USP47: variants seen among roughly 807,000 people sequenced by gnomAD.
The protein encoded by USP47 is ubiquitin carboxyl-terminal hydrolase 47.
In USP47, 35 loss-of-function variants were observed where a neutral mutation model predicts 165.1. That is an observed-to-expected ratio of 0.21 (90% CI 0.16 to 0.28). USP47 has a LOEUF of 0.28. Ranked by LOEUF, USP47 falls within the 10% of genes least tolerant of loss-of-function variation. USP47 has a pLI of 1.00. For missense variants in USP47, 1,277 were observed against 1,607.4 expected (o/e 0.79, Z 3.52); for synonymous variants, 531 against 544.5 (o/e 0.98, Z 0.35).
rs1381663709 is a variant in USP47 at position 11,902,863 on chromosome 11, A to G, written c.739+3A>G. On this transcript the variant is annotated splice_donor_region_variant and intron_variant, in intron 6 of 27. Coordinates refer to ENST00000527733, the MANE Select transcript of USP47 (RefSeq NM_001282659.2). The stretch of plus-strand genomic sequence containing the variant: ...CTTTGGATGGGATAGTAGTGAGGGT[A>G]CTAATTCTCTTGTAATGATAAGCGT... The G allele has an allele frequency of 1.9e-6, 3 of 1,558,518 alleles. No homozygotes were observed. The highest frequency in any genetic ancestry group is 1.4e-5 in the African/African-American group (1 of 72,502).
intron 24 of USP47, chr11:11,952,258 GAA>G: frequency 6.6e-6 from 1 of 152,418 alleles, no homozygotes; most frequent in African/African-American, 2.4e-5. Flanking sequence ...GTTGATGCTT[GAA>G]AAGTGACAAT....
At chr11:11,886,413 C>A (rs1360345987) in intron 3 of USP47, among the ~76,000 whole-genome samples, 2 of 152,126 alleles carry the variant, frequency 1.3e-5, no homozygotes, top group African/African-American at 4.8e-5. Context: ...CCTGATAGAG[C>A]TGAAAAATAC....
intron 6 of USP47, 128 bp from the exon 7 acceptor site, chr11:11,903,135 T>A: frequency 1.1e-6 from 1 of 909,142 alleles, no homozygotes; most frequent in South Asian, 2.2e-5. Context: ...TATATTCTTA[T>A]GTTCTTTTTT....
At chr11:11,886,899 C>T (rs1269332547) in intron 3 of USP47, among the ~76,000 whole-genome samples, 1 of 152,144 alleles carries the variant, frequency 6.6e-6, no homozygotes, top group Middle Eastern at 3.2e-3. Flanking sequence ...GGAAACCCTA[C>T]AAGCCAGAAG....
chr11:11,879,579 C>T (rs1199527034), intron 1 of USP47, among the ~76,000 whole-genome samples: 1 of 152,094 alleles, frequency 6.6e-6, no homozygotes. Context: ...CTTCCCCCTC[C>T]TCCTGGCTCA....
intron 11 of USP47, among the ~76,000 whole-genome samples, chr11:11,929,051 G>T (rs1339679943): frequency 6.6e-6 from 1 of 151,860 alleles, no homozygotes; most frequent in South Asian, 2.1e-4. Context: ...AATAGAATTT[G>T]AATAAGAAAC....
chr11:11,952,733 A>G lies in USP47; in HGVS notation c.3584-8A>G. 1 of 1,586,384 alleles carries G rather than the reference A, an allele frequency of 6.3e-7. No individual in the cohort carries two copies. On this transcript the variant is annotated splice_region_variant and splice_polypyrimidine_tract_variant and intron_variant, in intron 24 of 27. Transcript: ENST00000527733. The stretch of plus-strand genomic sequence containing the variant: ...ATAGAATGATGACCTAATCTTGCAT[A>G]TTCTTAGGGGTAGAGAAGATGAAGT...
rs571949588 is a variant in USP47, at chr11:11,948,076, G to A, written c.3223G>A (p.Val1075Ile). Residue 1075 changes from valine to isoleucine, a missense_variant, in exon 21 of 28, where the codon GTC (valine) becomes ATC (isoleucine). By Grantham distance (29) the Val-to-Ile change is conservative (BLOSUM62 3). Coordinates refer to ENST00000527733, the MANE Select transcript of USP47 (RefSeq NM_001282659.2). ...VYASNQEFES[V>I]RLNETLSSFS... ...TGCCAGCAATCAAGAGTTTGAGAGC[G>A]TCCGGCTGAATGAGACACTTTCATC... 50 of 1,612,956 alleles carry A rather than the reference G, an allele frequency of 3.1e-5. No homozygotes were observed. In the East Asian group the frequency reaches 3.3e-4, roughly 11 times the overall value.
rs759703852 is a variant in USP47, at chr11:11,949,915, G to T, written c.3375G>T (p.Val1125=). 2.4e-5 allele frequency: 39 copies of T among 1,612,282 alleles called. No homozygotes were observed. The highest frequency in any genetic ancestry group is 7.6e-6 in the Non-Finnish European group (9 of 1,179,118). The change falls in exon 23 of 28, where the codon GTG becomes GTT. Residue 1125 remains valine (V), a synonymous_variant. Coordinates refer to ENST00000527733, the MANE Select transcript of USP47 (RefSeq NM_001282659.2). ...CATGCAAGTTTCTGCTAGATGCTGT[G>T]TTTGCTAAAGGAATGACTGTACGGC... ...QEPCKFLLDA[V]FAKGMTVRQS... is the part of the protein sequence containing the mutation.
intron 19 of USP47, among the ~76,000 whole-genome samples, chr11:11,941,102 A>G (rs1415647456): frequency 6.6e-6 from 1 of 151,782 alleles, no homozygotes; most frequent in Non-Finnish European, 1.5e-5. Context: ...ATCATTTATC[A>G]TTTTTCATAT....
rs902594958 is a variant in USP47 at position 11,877,789 on chromosome 11, TTC to T, written c.40-2372_40-2371del. Among the ~76,000 whole-genome samples, 383 of 121,260 alleles carry T rather than the reference TTC, an allele frequency of 3.2e-3. 4 individuals carry two copies. Among genetic ancestry groups the T allele is most frequent in the African/African-American group, 9.7e-3 (308 of 31,820 alleles). 79.6% of individuals were successfully genotyped at this position (121,260 alleles called of 152,430 possible). The stretch of plus-strand genomic sequence containing the variant: ...CCTTTCTCTCTCTCTCTCTCTCTCT[TTC>T]TCTCTCTCTCTCTCTGTGTGTGTGT... On this transcript the variant is annotated intron_variant, in intron 1 of 27. Coordinates refer to ENST00000527733, the MANE Select transcript of USP47 (RefSeq NM_001282659.2).
rs1190864619 is a variant in USP47, at chr11:11,958,928, T to C, written c.*2753T>C. The C allele has an allele frequency of 6.6e-6, 1 of 152,244 alleles. No homozygotes were observed. The highest frequency in any genetic ancestry group is 2.4e-5 in the African/African-American group (1 of 41,458). The allele number at this position is 152,244 out of a possible 1,614,324, so 9.4% of individuals were successfully genotyped here. A position where few individuals can be genotyped will look rare whatever the true frequency, so the allele number is the denominator to read the frequency against. ...ATTCTGGGAAGATGCGATGAACTCATGTCCCAGTCAGAAAATAATCCAATG... is the reference window on the plus strand; with the variant it reads ...ATTCTGGGAAGATGCGATGAACTCACGTCCCAGTCAGAAAATAATCCAATG... On this transcript the variant is annotated 3_prime_UTR_variant, in exon 28 of 28. Transcript: ENST00000527733.
At chr11:11,901,483 T>C (rs1215695832) in intron 5 of USP47, among the ~76,000 whole-genome samples, 4 of 152,176 alleles carry the variant, frequency 2.6e-5, no homozygotes, top group Non-Finnish European at 2.9e-5. Context: ...TTTCTTTCCA[T>C]GAGATCTTAA....
intron 1 of USP47, among the ~76,000 whole-genome samples, chr11:11,865,076 T>C (rs1196387153): frequency 1.3e-5 from 2 of 152,124 alleles, no homozygotes; most frequent in African/African-American, 4.8e-5. Context: ...CTTGCAAAAA[T>C]CTTTCTCTTT....
Position 11,878,624 on chromosome 11 carries a change from A to G in USP47, c.40-1553A>G, listed in dbSNP as rs529906590. 2.6e-5 allele frequency: 4 copies of G among 152,096 alleles called. No individual in the cohort carries two copies. The East Asian group carries it at 7.7e-4, about 29-fold the overall frequency. 9.4% of individuals were successfully genotyped at this position (152,096 alleles called of 1,614,324 possible). A position where few individuals can be genotyped will look rare whatever the true frequency, so the allele number is the denominator to read the frequency against. On this transcript the variant is annotated intron_variant, in intron 1 of 27. Transcript: ENST00000527733. ...TTCTTTTGTTTCTTTTATTTCACAG[A>G]AATGTATTTTCTTTTTATTTTTTAA...
intron 1 of USP47, among the ~76,000 whole-genome samples, chr11:11,860,688 C>T (rs1590240455): frequency 6.6e-6 from 1 of 152,084 alleles, no homozygotes; most frequent in East Asian, 1.9e-4. Context: ...TCAACAACAG[C>T]CTACTCACAG....
At chr11:11,917,991 G>C (rs1200755494) in intron 8 of USP47, among the ~76,000 whole-genome samples, 1 of 152,102 alleles carries the variant, frequency 6.6e-6, no homozygotes, top group Non-Finnish European at 1.5e-5. Flanking sequence ...ATTTTTGCAT[G>C]GTCTCCAAGT....
chr11:11,941,768 A>G (rs113798982), intron 19 of USP47, among the ~76,000 whole-genome samples: 52 of 152,228 alleles, frequency 3.4e-4, no homozygotes, highest in African/African-American at 1.2e-3. Flanking sequence ...ATATCAGTCA[A>G]TATCTAGTCA....
At position 11,909,102 on chromosome 11, in the gene USP47, C is replaced by T. The variant is rs991406328; in HGVS notation, c.969+3554C>T. ...ATTCTGAGGAACATAATATGGGAAG[C>T]TCTACATTAGATTAAGGTGATTTAA... On this transcript the variant is annotated intron_variant, in intron 8 of 27. Coordinates refer to ENST00000527733, the MANE Select transcript of USP47 (RefSeq NM_001282659.2). Among the ~76,000 whole-genome samples, 3 of 152,030 alleles carry T rather than the reference C, an allele frequency of 2.0e-5. No individual in the cohort carries two copies. In the East Asian group the frequency reaches 5.8e-4, roughly 29 times the overall value.
Sources: allele counts gnomAD v4.1 joint callset (sites outside exome capture counted in the v4.1 genomes callset), GRCh38; gene constraint gnomAD v4.1.1; transcripts MANE v1.5; gene names NCBI Gene and HGNC (gene_info 2026-07-23, HGNC 2026-07-21).